Variants in COL13A1 observed in about 807,000 individuals in gnomAD.
COL13A1 encodes collagen alpha-1(XIII) chain.
COL13A1 carries 89 observed loss-of-function variants against 130.9 expected under a neutral mutation model. That is an observed-to-expected ratio of 0.68 (90% CI 0.57 to 0.81). COL13A1 has a LOEUF of 0.81. Among genes scored for constraint, COL13A1 ranks in the 30% least tolerant of loss-of-function variants. The pLI, the probability that COL13A1 is intolerant of heterozygous loss-of-function variation, is 0.00. For missense variants in COL13A1, 879 were observed against 934.6 expected, an observed-to-expected ratio of 0.94 and a Z score of 0.78; for synonymous variants, 402 against 341.6, an observed-to-expected ratio of 1.18 and a Z score of -1.95.
chr10:69,938,131 C>G (rs1363883712), intron 34 of COL13A1, among the ~76,000 whole-genome samples: 1 of 152,236 alleles, frequency 6.6e-6, no homozygotes, highest in African/African-American at 2.4e-5. Context: ...TTGCTCCCCC[C>G]TCTTAAGCAC....
intron 35 of COL13A1, among the ~76,000 whole-genome samples, chr10:69,943,163 C>T (rs569907820): frequency 6.6e-6 from 1 of 152,274 alleles, no homozygotes; most frequent in South Asian, 2.1e-4. Flanking sequence ...TTTCTTTCTG[C>T]TGTGCTATTA....
At chr10:69,876,477 T>A (rs559883079) in intron 5 of COL13A1, among the ~76,000 whole-genome samples, 14 of 152,144 alleles carry the variant, frequency 9.2e-5, no homozygotes, top group Non-Finnish European at 1.9e-4. Context: ...AGCGCCCACC[T>A]AAGGCCTGTC....
chr10:69,867,536 G>A (rs1323608110), intron 2 of COL13A1, among the ~76,000 whole-genome samples: 1 of 152,258 alleles, frequency 6.6e-6, no homozygotes, highest in Non-Finnish European at 1.5e-5. Flanking sequence ...GGAAACTGAG[G>A]CAGAAGGGCC....
At chr10:69,922,492 G>C (rs561253781) in intron 22 of COL13A1, among the ~76,000 whole-genome samples, 1 of 152,346 alleles carries the variant, frequency 6.6e-6, no homozygotes, top group African/African-American at 2.4e-5. Context: ...TCCAGACCCA[G>C]TTTTGAAGGA....
Position 69,897,504 on chromosome 10 carries a change from G to T in COL13A1, c.685-1193G>T, listed in dbSNP as rs753169606. The stretch of plus-strand genomic sequence containing the variant: ...GCCTAAGCAGCATGCCAGCAGCTCT[G>T]CGCTCCAGCCAAATAATTGCCCTGA... On this transcript the variant is annotated intron_variant, in intron 13 of 40. Coordinates refer to ENST00000645393, the MANE Select transcript of COL13A1 (RefSeq NM_001368882.1). The T allele has an allele frequency of 8.7e-6, 14 of 1,613,834 alleles. No homozygotes were observed. In the South Asian group the frequency reaches 1.5e-4, roughly 18 times the overall value.
At chr10:69,917,744 C>T (rs918088222) in intron 18 of COL13A1, among the ~76,000 whole-genome samples, 3 of 152,006 alleles carry the variant, frequency 2.0e-5, no homozygotes, top group Non-Finnish European at 4.4e-5. Flanking sequence ...AGGGTTCACT[C>T]CAGCCACTCC....
intron 1 of COL13A1, among the ~76,000 whole-genome samples, chr10:69,813,967 G>C (rs1843735612): frequency 6.6e-6 from 1 of 152,200 alleles, no homozygotes; most frequent in Non-Finnish European, 1.5e-5. Flanking sequence ...ACAAGGATGA[G>C]TCCTAGAGGG....
intron 3 of COL13A1, among the ~76,000 whole-genome samples, 170 bp downstream of exon 3, chr10:69,867,975 T>C (rs940107476): frequency 1.3e-5 from 2 of 152,054 alleles, no homozygotes; most frequent in African/African-American, 4.8e-5. Flanking sequence ...GAGGCTACCA[T>C]TTTGCTTTTC....
chr10:69,911,420 C>T (rs937783524), intron 17 of COL13A1, among the ~76,000 whole-genome samples: 8 of 152,210 alleles, frequency 5.3e-5, no homozygotes, highest in African/African-American at 1.9e-4. Context: ...ACTCAATTCC[C>T]AACTTATGGA....
chr10:69,930,040 C>T lies in COL13A1; in HGVS notation c.1486-3C>T. 6.2e-7 allele frequency: 1 copy of T among 1,613,832 alleles called. No homozygotes were observed. The highest frequency in any genetic ancestry group is 1.1e-5 in the South Asian group (1 of 91,062). ...GAGTCACCTTTAGTTGTTCCGGTTA[C>T]AGGGGGAGATTGGACTGCCAGGCCC... On this transcript the variant is annotated splice_polypyrimidine_tract_variant and splice_region_variant and intron_variant, in intron 28 of 40. Coordinates refer to ENST00000645393, the MANE Select transcript of COL13A1 (RefSeq NM_001368882.1).
chr10:69,804,243 G>A (rs1024486767), intron 1 of COL13A1, among the ~76,000 whole-genome samples: 1 of 150,922 alleles, frequency 6.6e-6, no homozygotes, highest in African/African-American at 2.4e-5. Context: ...CGGGGGTCCT[G>A]GCTGCTGAGG....
chr10:69,938,607 G>T, intron 34 of COL13A1, among the ~76,000 whole-genome samples: 1 of 152,128 alleles, frequency 6.6e-6, no homozygotes, highest in East Asian at 1.9e-4. Context: ...CCTCTGTCCT[G>T]GGCTCAAGGC....
intron 2 of COL13A1, among the ~76,000 whole-genome samples, chr10:69,852,008 A>C (rs1250463081): frequency 1.3e-5 from 2 of 152,208 alleles, no homozygotes; most frequent in Non-Finnish European, 2.9e-5. Context: ...TGTAATAGAC[A>C]TCACAGCTCC....
At chr10:69,807,831 A>G (rs1841976001) in intron 1 of COL13A1, among the ~76,000 whole-genome samples, 1 of 152,188 alleles carries the variant, frequency 6.6e-6, no homozygotes, top group South Asian at 2.1e-4. Flanking sequence ...TCCCCTTTCC[A>G]GACAATTAAC....
intron 2 of COL13A1, among the ~76,000 whole-genome samples, chr10:69,839,796 CAG>C (rs1160753476): frequency 1.3e-5 from 2 of 152,106 alleles, no homozygotes; most frequent in Admixed American, 6.5e-5. Flanking sequence ...AGGGAGAGAG[CAG>C]AGAGAGAGCT....
intron 32 of COL13A1, among the ~76,000 whole-genome samples, chr10:69,935,665 C>T (rs1271069412): frequency 6.6e-6 from 1 of 152,188 alleles, no homozygotes; most frequent in Non-Finnish European, 1.5e-5. Flanking sequence ...CAACATTTAC[C>T]TCACCCTTTG....
intron 38 of COL13A1, among the ~76,000 whole-genome samples, chr10:69,947,806 A>AATATT (rs1223122951): frequency 3.3e-5 from 5 of 152,324 alleles, no homozygotes; most frequent in Admixed American, 2.6e-4. Context: ...CCTTTTAAAA[A>AATATT]ATATTACAGC....
chr10:69,842,089 T>C (rs1257628530), intron 2 of COL13A1, among the ~76,000 whole-genome samples: 3 of 152,222 alleles, frequency 2.0e-5, no homozygotes, highest in African/African-American at 7.2e-5. Flanking sequence ...TCATCTTGAA[T>C]TGTAGCTCCC....
At chr10:69,830,655 A>G (rs1848607902) in intron 2 of COL13A1, among the ~76,000 whole-genome samples, 1 of 152,222 alleles carries the variant, frequency 6.6e-6, no homozygotes, top group Admixed American at 6.5e-5. Context: ...TGGGGTGCTT[A>G]GGGAGGTTCA....
Sources: allele counts gnomAD v4.1 joint callset (sites outside exome capture counted in the v4.1 genomes callset), GRCh38; gene constraint gnomAD v4.1.1; transcripts MANE v1.5; gene names NCBI Gene and HGNC (gene_info 2026-07-23, HGNC 2026-07-21).